JAKMIP3: variants seen among roughly 807,000 people sequenced by gnomAD.
The protein encoded by JAKMIP3 is janus kinase and microtubule-interacting protein 3.
In JAKMIP3, 58 loss-of-function variants were observed where a neutral mutation model predicts 118.5. That is an observed-to-expected ratio of 0.49 (90% CI 0.40 to 0.61). The LOEUF (loss-of-function observed/expected upper bound fraction) is 0.61. Among genes scored for constraint, JAKMIP3 ranks in the 20% least tolerant of loss-of-function variants. JAKMIP3 has a pLI of 0.00. For synonymous variants in JAKMIP3, 486 were observed against 451.2 expected (o/e 1.08, Z -0.98); for missense variants, 950 against 1,109.0 (o/e 0.86, Z 2.04).
In JAKMIP3 at chr10:132,180,662, TGTGC is replaced by T. The variant is rs1369557655; in HGVS notation, c.*1104-1691_*1104-1688del. On this transcript the variant is annotated intron_variant, in intron 23 of 23. Coordinates refer to ENST00000684848, the MANE Select transcript of JAKMIP3 (RefSeq NM_001323087.2). ...GCGTGTGTGCGTGTGCGTGTGCGTG[TGTGC>T]GTGTGTGTGCGCGCGCGTGTGTGTG... 1.2e-3 allele frequency among the ~76,000 whole-genome samples: 41 copies of T among 33,394 alleles called. 2 individuals are homozygous for T. Among genetic ancestry groups the T allele is most frequent in the African/African-American group, 2.6e-3 (17 of 6,596 alleles). 21.9% of individuals were successfully genotyped at this position (33,394 alleles called of 152,430 possible).
chr10:132,124,646 G>T (rs2049170310), intron 3 of JAKMIP3, among the ~76,000 whole-genome samples: 1 of 152,228 alleles, frequency 6.6e-6, no homozygotes, highest in African/African-American at 2.4e-5. Flanking sequence ...TTGCCACGCG[G>T]TCACCCGTCC....
At chr10:132,101,497 A>G (rs1280440488) in intron 1 of JAKMIP3, among the ~76,000 whole-genome samples, 1 of 152,236 alleles carries the variant, frequency 6.6e-6, no homozygotes, top group East Asian at 1.9e-4. Context: ...TTCTCTTTCA[A>G]AAAACTGCTT....
intron 19 of JAKMIP3, among the ~76,000 whole-genome samples, chr10:132,162,557 G>A (rs1331480098): frequency 6.6e-6 from 1 of 152,222 alleles, no homozygotes; most frequent in Non-Finnish European, 1.5e-5. Flanking sequence ...ACAATAAAGT[G>A]TAACTGAGGC....
chr10:132,037,953 G>A (rs1247644318), intron 1 of JAKMIP3, among the ~76,000 whole-genome samples: 2 of 152,210 alleles, frequency 1.3e-5, no homozygotes, highest in Non-Finnish European at 2.9e-5. Flanking sequence ...GAAGAAGCCG[G>A]GAATGTCACT....
intron 23 of JAKMIP3, among the ~76,000 whole-genome samples, chr10:132,171,956 T>C (rs1221436254): frequency 1.3e-5 from 2 of 152,116 alleles, no homozygotes; most frequent in Non-Finnish European, 2.9e-5. Context: ...GCCCGGCCTG[T>C]CCCTGTCTTG....
In JAKMIP3 at chr10:132,162,041, A is replaced by G. The variant is rs572581506; in HGVS notation, c.2221-1168A>G. ...CGCCCGGTTCTCTCCTATGTCGTTC[A>G]TGGTGTGGCTCTCGGTCGCTCGGGT... is the stretch of plus-strand genomic sequence containing the variant. On this transcript the variant is annotated intron_variant, in intron 19 of 23. Transcript: ENST00000684848. Among the ~76,000 whole-genome samples the G allele has an allele frequency of 2.0e-5, 3 of 146,432 alleles. No homozygotes were observed. The East Asian group carries it at 5.8e-4, about 28-fold the overall frequency.
chr10:132,126,262 G>GTTGGTT (rs2049521305), intron 3 of JAKMIP3, among the ~76,000 whole-genome samples: 2 of 151,236 alleles, frequency 1.3e-5, no homozygotes, highest in African/African-American at 4.9e-5. Context: ...AGGTTGGTTG[G>GTTGGTT]TTGGTTTTGG....
intron 3 of JAKMIP3, among the ~76,000 whole-genome samples, chr10:132,131,051 C>T (rs1430079628): frequency 2.6e-5 from 4 of 151,960 alleles, no homozygotes; most frequent in Admixed American, 6.6e-5. Context: ...GCCTCAGCGT[C>T]GGCCTGCACA....
At position 132,180,718 on chromosome 10, in the gene JAKMIP3, T is replaced by TGCGC. The variant is rs1427593131; in HGVS notation, c.*1104-1636_*1104-1635insCGCG. Among the ~76,000 whole-genome samples, 12 of 18,774 alleles carry TGCGC rather than the reference T, an allele frequency of 6.4e-4. 2 individuals are homozygous for TGCGC. Among genetic ancestry groups the TGCGC allele is most frequent in the East Asian group, 4.5e-3 (1 of 220 alleles). 12.3% of individuals were successfully genotyped at this position (18,774 alleles called of 152,430 possible). A position where few individuals can be genotyped will look rare whatever the true frequency, so the allele number is the denominator to read the frequency against. On this transcript the variant is annotated intron_variant, in intron 23 of 23. Coordinates refer to ENST00000684848, the MANE Select transcript of JAKMIP3 (RefSeq NM_001323087.2). Reference sequence around the variant, plus strand: ...GTGCGTGTGTGTGTGCGCGTGTGTGTGCGTGTGTGTGCGTGTGTGCGTGCG... The same window carrying TGCGC: ...GTGCGTGTGTGTGTGCGCGTGTGTGTGCGCGCGTGTGTGTGCGTGTGTGCGTGCG...
intron 3 of JAKMIP3, among the ~76,000 whole-genome samples, chr10:132,125,180 G>A (rs1432363609): frequency 2.6e-5 from 4 of 152,334 alleles, no homozygotes; most frequent in Admixed American, 6.5e-5. Context: ...CCTCTGTGTC[G>A]CTCAGATGCC....
chr10:132,064,395 C>A (rs1238067921), upstream of JAKMIP3, among the ~76,000 whole-genome samples: 2 of 152,190 alleles, frequency 1.3e-5, no homozygotes, highest in Non-Finnish European at 2.9e-5. The surrounding 1 kb of genome is among the most constrained non-coding windows in gnomAD (Gnocchi z 4.4). Context: ...CCGTGGCCTG[C>A]CTCCGACTGA....
chr10:132,068,066 TGTGGACTGTGGGTTTCTG>T (rs1488536598), intron 1 of JAKMIP3, among the ~76,000 whole-genome samples: 1 of 27,600 alleles, frequency 3.6e-5, no homozygotes, highest in Non-Finnish European at 8.0e-5. Flanking sequence ...TGGGCTTCCG[TGTGGACTGTGGGTTTCTG>T]TGTGGACTGT....
chr10:132,111,382 C>T (rs74486910), intron 2 of JAKMIP3, among the ~76,000 whole-genome samples: 3 of 151,930 alleles, frequency 2.0e-5, no homozygotes, highest in Admixed American at 1.3e-4. Flanking sequence ...GTCCCAGGGT[C>T]GGGGGTGGCT....
intron 1 of JAKMIP3, among the ~76,000 whole-genome samples, chr10:132,079,771 A>G (rs9419351): frequency 0.51 from 77,839 of 152,116 alleles, 22,170 homozygotes; most frequent in East Asian, 0.87. Flanking sequence ...CCTGGCAGCC[A>G]CCTTCCATTT....
At chr10:132,094,541 C>G (rs1012080464) in intron 1 of JAKMIP3, among the ~76,000 whole-genome samples, 2 of 152,124 alleles carry the variant, frequency 1.3e-5, no homozygotes, top group African/African-American at 4.8e-5. Context: ...CTGGGTCCAG[C>G]CACCCAGCAA....
chr10:132,078,054 C>T (rs367700878), intron 1 of JAKMIP3, among the ~76,000 whole-genome samples: 9 of 152,168 alleles, frequency 5.9e-5, no homozygotes, highest in East Asian at 3.8e-4. Context: ...TCAGGTGATC[C>T]GCACGTCTTG....
Position 132,133,395 on chromosome 10 carries a change from G to A in JAKMIP3, c.717G>A (p.Leu239=), listed in dbSNP as rs1462439755. The change falls in exon 4 of 24, where the codon CTG becomes CTA. Residue 239 remains leucine (L), a synonymous_variant. Transcript: ENST00000684848. The part of the protein sequence containing the change: ...LGVQAGHAQR[L]QLQKEALDEQ... ...TTCAAGCCGGGCATGCTCAGAGACT[G>A]CAGCTCCAAAAAGAGGCTCTAGATG... is the stretch of plus-strand genomic sequence containing the variant. The A allele has an allele frequency of 8.1e-6, 13 of 1,601,776 alleles. No homozygotes were observed. Among genetic ancestry groups the A allele is most frequent in the Non-Finnish European group, 9.4e-6 (11 of 1,174,270 alleles).
At chr10:132,133,617 G>A in intron 4 of JAKMIP3, 90 bp downstream of exon 4, 1 of 1,231,308 alleles carries the variant, frequency 8.1e-7, no homozygotes, top group Non-Finnish European at 1.1e-6. Context: ...CACTCCCCCA[G>A]GAGACCAGAG....
chr10:132,112,661 C>A lies in JAKMIP3; in HGVS notation c.136-4416C>A, dbSNP rs4880335. Among the ~76,000 whole-genome samples the A allele has an allele frequency of 0.22, 33,538 of 152,042 alleles. 3,945 individuals are homozygous for A. The highest frequency in any genetic ancestry group is 0.4 in the East Asian group (2,078 of 5,158). On this transcript the variant is annotated intron_variant, in intron 2 of 23. Coordinates refer to ENST00000684848, the MANE Select transcript of JAKMIP3 (RefSeq NM_001323087.2). This position sits in a 1 kb window ranked among gnomAD's most constrained non-coding sequence, Gnocchi z 4.3. Reference sequence around the variant, plus strand: ...GACTGTCTGCTTATTACTGTGGGTACCTGAATGTTCTGAGCCTATAGGAGT... The same window carrying A: ...GACTGTCTGCTTATTACTGTGGGTAACTGAATGTTCTGAGCCTATAGGAGT...
Sources: allele counts gnomAD v4.1 joint callset (sites outside exome capture counted in the v4.1 genomes callset), GRCh38; gene constraint gnomAD v4.1.1; non-coding constraint Gnocchi (gnomAD v3.1); transcripts MANE v1.5; gene names NCBI Gene and HGNC (gene_info 2026-07-23, HGNC 2026-07-21).